Variants in RALYL observed in about 807,000 individuals in gnomAD.
RALYL encodes RNA-binding Raly-like protein.
In RALYL, 29 loss-of-function variants were observed where a neutral mutation model predicts 35.1. That is an observed-to-expected ratio of 0.83 (90% CI 0.61 to 1.13). The LOEUF is 1.13. RALYL is among the 50% of genes most tolerant of loss of function. The pLI is 0.00. For missense variants in RALYL, 359 were observed against 360.4 expected (o/e 1.00, Z 0.03); for synonymous variants, 120 against 127.6 (o/e 0.94, Z 0.40).
rs565255855 is a variant in RALYL at position 84,447,852 on chromosome 8, C to T, written c.-23-81447C>T. 3.9e-5 allele frequency among the ~76,000 whole-genome samples: 6 copies of T among 152,062 alleles called. No individual in the cohort carries two copies. The East Asian group carries it at 1.2e-3, about 30-fold the overall frequency. On this transcript the variant is annotated intron_variant, in intron 1 of 8. Coordinates refer to ENST00000521268, the MANE Select transcript of RALYL (RefSeq NM_173848.7). ...TCATTAAAGAAAATCTATGGTTCAC[C>T]TTCTACATGAAAACTGTTTTAAGAT... is the stretch of plus-strand genomic sequence containing the variant.
intron 5 of RALYL, among the ~76,000 whole-genome samples, chr8:84,851,836 C>T (rs1835915331): frequency 6.6e-6 from 1 of 152,228 alleles, no homozygotes; most frequent in African/African-American, 2.4e-5. Context: ...CTGTTCCTCT[C>T]GCTCAGCGCC....
chr8:84,540,076 A>G (rs2135225080), intron 2 of RALYL, among the ~76,000 whole-genome samples: 1 of 151,810 alleles, frequency 6.6e-6, no homozygotes, highest in Non-Finnish European at 1.5e-5. Context: ...TGATGTATTT[A>G]TGACCTTCTA....
chr8:84,574,830 G>A (rs1056543794), intron 2 of RALYL, among the ~76,000 whole-genome samples: 1 of 152,054 alleles, frequency 6.6e-6, no homozygotes, highest in African/African-American at 2.4e-5. Flanking sequence ...CATTATTAAA[G>A]TTAAATATTT....
At chr8:84,765,535 G>A (rs1028221934) in intron 2 of RALYL, among the ~76,000 whole-genome samples, 1 of 152,080 alleles carries the variant, frequency 6.6e-6, no homozygotes, top group East Asian at 1.9e-4. Context: ...CTATATATAC[G>A]AAGTGGGAAG....
intron 2 of RALYL, among the ~76,000 whole-genome samples, chr8:84,621,584 AC>A (rs147494356): frequency 0.066 from 9,995 of 152,160 alleles, 794 homozygotes; most frequent in African/African-American, 0.19. Flanking sequence ...GGAGCTGTAG[AC>A]CGGAGCTGTT....
intron 7 of RALYL, among the ~76,000 whole-genome samples, chr8:84,879,489 G>A (rs2135334948): frequency 6.6e-6 from 1 of 152,176 alleles, no homozygotes; most frequent in Middle Eastern, 3.4e-3. Flanking sequence ...AGAGAGATGG[G>A]AAGTGAATGG....
At chr8:84,594,055 C>A (rs1361030709) in intron 2 of RALYL, among the ~76,000 whole-genome samples, 2 of 152,020 alleles carry the variant, frequency 1.3e-5, no homozygotes, top group Non-Finnish European at 2.9e-5. Context: ...TGTTTTCTGT[C>A]CTACTGATCT....
chr8:84,327,413 T>C (rs1156393583), intron 1 of RALYL, among the ~76,000 whole-genome samples: 1 of 152,034 alleles, frequency 6.6e-6, no homozygotes, highest in Non-Finnish European at 1.5e-5. Context: ...AGGAGATAGG[T>C]CTATAGAGGC....
At chr8:84,861,787 CT>C (rs1838155141) in intron 5 of RALYL, among the ~76,000 whole-genome samples, 1 of 152,178 alleles carries the variant, frequency 6.6e-6, no homozygotes, top group Non-Finnish European at 1.5e-5. Context: ...TAGCTGTTTT[CT>C]TGAAGCTGGT....
chr8:84,425,439 G>A (rs1014927070), intron 1 of RALYL, among the ~76,000 whole-genome samples: 2 of 152,072 alleles, frequency 1.3e-5, no homozygotes, highest in African/African-American at 2.4e-5. Context: ...ACTGGCCTGC[G>A]CCCACTGTCT....
intron 4 of RALYL, among the ~76,000 whole-genome samples, chr8:84,838,767 T>C (rs1172114388): frequency 3.3e-5 from 5 of 152,238 alleles, no homozygotes; most frequent in Non-Finnish European, 1.5e-5. Context: ...TTTCTTTTCC[T>C]GTGTACTTTT....
intron 8 of RALYL, among the ~76,000 whole-genome samples, chr8:84,901,153 TG>T (rs1270728727): frequency 2.0e-5 from 3 of 152,118 alleles, no homozygotes; most frequent in Non-Finnish European, 2.9e-5. Flanking sequence ...GGCAAGAAGC[TG>T]GGGGAAGATT....
intron 2 of RALYL, among the ~76,000 whole-genome samples, chr8:84,575,602 A>G (rs979547563): frequency 2.6e-5 from 4 of 152,170 alleles, no homozygotes; most frequent in African/African-American, 9.6e-5. Flanking sequence ...TTCTTAATGC[A>G]CAGGGGCATA....
rs181503963 is a variant in RALYL, at chr8:84,903,821, A to C, written c.858+16045A>C. Among the ~76,000 whole-genome samples, 32 of 152,304 alleles carry C rather than the reference A, an allele frequency of 2.1e-4. No individual in the cohort carries two copies. In the Middle Eastern group the frequency reaches 0.01, roughly 49 times the overall value. On this transcript the variant is annotated intron_variant, in intron 8 of 8. Coordinates refer to ENST00000521268, the MANE Select transcript of RALYL (RefSeq NM_173848.7). ...ATTATTCCCAAATTCCAAAGGGCAA[A>C]AGCTATTGGAAAAATCATCTTAGTG... is the stretch of plus-strand genomic sequence containing the variant.
chr8:84,698,103 C>G (rs1839484562), intron 2 of RALYL, among the ~76,000 whole-genome samples: 1 of 152,088 alleles, frequency 6.6e-6, no homozygotes, highest in Non-Finnish European at 1.5e-5. Flanking sequence ...GTTTTTGCAG[C>G]TCACAAACGT....
chr8:84,263,075 A>G (rs1243637002), intron 1 of RALYL, among the ~76,000 whole-genome samples: 2 of 152,178 alleles, frequency 1.3e-5, no homozygotes, highest in Non-Finnish European at 2.9e-5. Context: ...AAAATGCAAT[A>G]TATCAATGTA....
chr8:84,285,082 C>T (rs1837334811), intron 1 of RALYL, among the ~76,000 whole-genome samples: 2 of 152,108 alleles, frequency 1.3e-5, no homozygotes, highest in Admixed American at 1.3e-4. Flanking sequence ...GTTGGAAGGC[C>T]AAGGCCTAAT....
chr8:84,671,964 TC>T (rs1177941251), intron 2 of RALYL, among the ~76,000 whole-genome samples: 5 of 152,236 alleles, frequency 3.3e-5, no homozygotes, highest in African/African-American at 1.2e-4. Flanking sequence ...CTGCAAATTT[TC>T]CAAACTGTTA....
At chr8:84,657,330 A>G (rs1303733732) in intron 2 of RALYL, among the ~76,000 whole-genome samples, 2 of 152,208 alleles carry the variant, frequency 1.3e-5, no homozygotes, top group Non-Finnish European at 2.9e-5. Context: ...AAAACAAAGG[A>G]ATGTGCTTTC....
Sources: gnomAD v4.1 joint callset for allele counts (sites outside exome capture counted in the v4.1 genomes callset) on GRCh38, gnomAD v4.1.1 for gene constraint, MANE v1.5 for transcripts, NCBI Gene and HGNC (gene_info 2026-07-23, HGNC 2026-07-21) for gene names.